The following MGMT variants were observed in gnomAD, a reference collection of about 807,000 sequenced individuals.
The protein encoded by MGMT is O-6-methylguanine-DNA methyltransferase.
A neutral mutation model predicts 15.9 loss-of-function variants in MGMT; 14 were observed. That is an observed-to-expected ratio of 0.88 (90% confidence interval 0.58 to 1.37). The LOEUF (loss-of-function observed/expected upper bound fraction) is 1.37. MGMT is among the 40% of genes most tolerant of loss of function. MGMT has a pLI of 0.00. For synonymous variants in MGMT, 130 were observed against 118.2 expected (o/e 1.10, Z -0.65); for missense variants, 282 against 268.1 (o/e 1.05, Z -0.36).
chr10:129,685,691 C>T (rs941871411), intron 2 of MGMT, among the ~76,000 whole-genome samples: 6 of 152,244 alleles, frequency 3.9e-5, no homozygotes, highest in South Asian at 4.2e-4. Context: ...TTCCTGACTC[C>T]GCTTTGAGCT....
chr10:129,650,476 A>T (rs1219467976), intron 2 of MGMT, among the ~76,000 whole-genome samples: 1 of 152,182 alleles, frequency 6.6e-6, no homozygotes, highest in Non-Finnish European at 1.5e-5. Flanking sequence ...TCCTACCTCC[A>T]GATGCCTCCG....
intron 3 of MGMT, among the ~76,000 whole-genome samples, chr10:129,725,624 G>A (rs551910598): frequency 3.9e-5 from 6 of 152,334 alleles, no homozygotes; most frequent in East Asian, 3.9e-4. Flanking sequence ...CCAAAGTGCC[G>A]CCCAGGGCTG....
At chr10:129,668,071 T>C (rs1488174708) in intron 2 of MGMT, among the ~76,000 whole-genome samples, 2 of 152,224 alleles carry the variant, frequency 1.3e-5, no homozygotes, top group Non-Finnish European at 2.9e-5. Context: ...CAGAAGGTTT[T>C]AATGTCAAGG....
chr10:129,760,750 CTT>C (rs1372777498), intron 4 of MGMT, among the ~76,000 whole-genome samples: 10 of 152,106 alleles, frequency 6.6e-5, no homozygotes, highest in Admixed American at 3.9e-4. Flanking sequence ...TCTAGGCGAG[CTT>C]TCTACCCTAT....
chr10:129,485,221 C>T (rs1845396298), intron 1 of MGMT, among the ~76,000 whole-genome samples: 1 of 152,160 alleles, frequency 6.6e-6, no homozygotes, highest in South Asian at 2.1e-4. Flanking sequence ...TCTGGAGATG[C>T]CTGGCGTGTT....
chr10:129,472,599 G>A (rs1185149463), intron 1 of MGMT, among the ~76,000 whole-genome samples: 1 of 152,164 alleles, frequency 6.6e-6, no homozygotes, highest in African/African-American at 2.4e-5. Flanking sequence ...GTTTGGACCT[G>A]CTTTACAAGT....
intron 2 of MGMT, among the ~76,000 whole-genome samples, chr10:129,589,223 A>G (rs1490990976): frequency 1.3e-5 from 2 of 152,170 alleles, no homozygotes; most frequent in African/African-American, 4.8e-5. Context: ...ACAGGCCTTA[A>G]TTCTGTGTTC....
intron 3 of MGMT, among the ~76,000 whole-genome samples, chr10:129,740,173 T>G (rs1212743287): frequency 2.0e-5 from 3 of 152,218 alleles, no homozygotes; most frequent in Non-Finnish European, 4.4e-5. Flanking sequence ...GGTGCTTGTT[T>G]CTGAGGCTAA....
chr10:129,476,661 G>T (rs548737515), intron 1 of MGMT, among the ~76,000 whole-genome samples: 6 of 152,278 alleles, frequency 3.9e-5, no homozygotes, highest in Admixed American at 1.3e-4. Context: ...GCTGCTGGGA[G>T]TGGCTGGGTG....
At chr10:129,591,663 G>A (rs908588421) in intron 2 of MGMT, among the ~76,000 whole-genome samples, 1 of 152,216 alleles carries the variant, frequency 6.6e-6, no homozygotes, top group African/African-American at 2.4e-5. Flanking sequence ...CGGACGCGGT[G>A]GCTCACGCCT....
intron 2 of MGMT, among the ~76,000 whole-genome samples, chr10:129,591,457 G>T (rs1564861916): frequency 1.3e-5 from 2 of 152,312 alleles, no homozygotes; most frequent in Middle Eastern, 6.8e-3. Context: ...AGACCGCACA[G>T]GTGCTGTGTC....
rs888480885 is a variant in MGMT at position 129,769,835 on chromosome 10, T to C, written c.*2838T>C. 1.8e-4 allele frequency among the ~76,000 whole-genome samples: 28 copies of C among 152,138 alleles called. No individual in the cohort carries two copies. The highest frequency in any genetic ancestry group is 1.7e-3 in the Admixed American group (26 of 15,278). ...TATGACCGTGCAAACATGCATGTTA[T>C]GGTGTTGGCTGATGCGGAATCAGGA... On this transcript the variant is annotated 3_prime_UTR_variant, in exon 5 of 5. Coordinates refer to ENST00000651593, the MANE Select transcript of MGMT (RefSeq NM_002412.5).
chr10:129,679,004 C>T (rs1393420642), intron 2 of MGMT, among the ~76,000 whole-genome samples: 1 of 150,860 alleles, frequency 6.6e-6, no homozygotes, highest in East Asian at 2.0e-4. Context: ...ACCCAGGAGG[C>T]AGAGGTTGCA....
intron 2 of MGMT, among the ~76,000 whole-genome samples, chr10:129,646,337 G>C (rs942180590): frequency 6.6e-6 from 1 of 152,120 alleles, no homozygotes. Context: ...GAGTAAGTAT[G>C]TAGAACCTTC....
chr10:129,739,797 A>C (rs1011941931), intron 3 of MGMT, among the ~76,000 whole-genome samples: 2 of 152,124 alleles, frequency 1.3e-5, no homozygotes, highest in East Asian at 3.9e-4. Context: ...TTAACTCCTC[A>C]GCTATCATTA....
chr10:129,526,494 C>T (rs12776412), intron 1 of MGMT, among the ~76,000 whole-genome samples: 37,283 of 152,000 alleles, frequency 0.25, 5,436 homozygotes, highest in African/African-American at 0.41. Flanking sequence ...AAACAGCTTA[C>T]AAGGAGGCTG....
At chr10:129,755,609 G>A (rs1244589356) in intron 3 of MGMT, among the ~76,000 whole-genome samples, 1 of 152,224 alleles carries the variant, frequency 6.6e-6, no homozygotes, top group African/African-American at 2.4e-5. Flanking sequence ...AGCTGTGATG[G>A]TTGAGGGAAA....
chr10:129,739,870 G>C (rs181006836), intron 3 of MGMT, among the ~76,000 whole-genome samples: 10 of 151,908 alleles, frequency 6.6e-5, no homozygotes, highest in Non-Finnish European at 1.5e-4. Flanking sequence ...GAAGCCAAAA[G>C]ATTAGACACC....
intron 2 of MGMT, among the ~76,000 whole-genome samples, chr10:129,628,197 T>G (rs939368737): frequency 6.6e-6 from 1 of 152,230 alleles, no homozygotes; most frequent in Admixed American, 6.5e-5. Context: ...TCCTTTTCAT[T>G]TTTTACACTG....
Sources: allele counts gnomAD v4.1 joint callset (sites outside exome capture counted in the v4.1 genomes callset), GRCh38; gene constraint gnomAD v4.1.1; transcripts MANE v1.5; gene names NCBI Gene and HGNC (gene_info 2026-07-23, HGNC 2026-07-21).